The following OSBPL8 variants were observed in gnomAD, a reference collection of about 807,000 sequenced individuals.
OSBPL8 encodes oxysterol binding protein like 8.
OSBPL8 carries 59 observed loss-of-function variants against 125.5 expected under a neutral mutation model. That is an observed-to-expected ratio of 0.47 (90% confidence interval 0.38 to 0.58). OSBPL8 has a LOEUF of 0.58. OSBPL8 is among the 20% of genes least tolerant of loss of function. The pLI is 0.00. For missense variants in OSBPL8, 758 were observed against 1,047.8 expected (o/e 0.72, Z 3.82); for synonymous variants, 330 against 338.9 (o/e 0.97, Z 0.29).
At chr12:76,422,040 A>AT (rs1331015857) in intron 4 of OSBPL8, among the ~76,000 whole-genome samples, 1 of 152,112 alleles carries the variant, frequency 6.6e-6, no homozygotes, top group African/African-American at 2.4e-5. Flanking sequence ...AGAATTTAAG[A>AT]TAAAAAGATT....
intron 4 of OSBPL8, among the ~76,000 whole-genome samples, chr12:76,450,327 C>G (rs925179615): frequency 6.6e-6 from 1 of 151,998 alleles, no homozygotes; most frequent in African/African-American, 2.4e-5. Context: ...GAAAATAGTT[C>G]GAAGGTTGAG....
At chr12:76,455,328 T>C (rs1174267017) in intron 3 of OSBPL8, among the ~76,000 whole-genome samples, 1 of 152,186 alleles carries the variant, frequency 6.6e-6, no homozygotes, top group Non-Finnish European at 1.5e-5. Flanking sequence ...GGGCTCATTG[T>C]ATAATTATGC....
chr12:76,456,341 C>T (rs1188043177), intron 3 of OSBPL8, among the ~76,000 whole-genome samples: 2 of 152,044 alleles, frequency 1.3e-5, no homozygotes, highest in African/African-American at 4.8e-5. Context: ...GAAATTACAG[C>T]TGACGTTTAA....
chr12:76,505,247 G>A (rs564933171), intron 1 of OSBPL8, among the ~76,000 whole-genome samples: 1 of 152,270 alleles, frequency 6.6e-6, no homozygotes, highest in South Asian at 2.1e-4. Flanking sequence ...TGACAGACAT[G>A]AGGCTTTACA....
intron 1 of OSBPL8, among the ~76,000 whole-genome samples, chr12:76,530,801 A>G (rs907414053): frequency 6.6e-6 from 1 of 152,194 alleles, no homozygotes; most frequent in Non-Finnish European, 1.5e-5. Flanking sequence ...GACTCTTTAT[A>G]GTATAATAAA....
intron 1 of OSBPL8, among the ~76,000 whole-genome samples, 161 bp from the exon 2 acceptor site, chr12:76,487,779 G>A (rs1664198614): frequency 6.6e-6 from 1 of 151,954 alleles, no homozygotes. Flanking sequence ...AATGGTAAAG[G>A]TTCAGAGAAA....
rs530928012 is a variant in OSBPL8 at position 76,470,026 on chromosome 12, C to CTTT, written c.43-10132_43-10131insAAA. The stretch of plus-strand genomic sequence containing the variant: ...CTTTTCCTTAAATAGTTCTGTCCTG[C>CTTT]ATAAAATAACATTGTTACAGATTCA... On this transcript the variant is annotated intron_variant, in intron 2 of 23. Coordinates refer to ENST00000261183, the MANE Select transcript of OSBPL8 (RefSeq NM_020841.5). Among the ~76,000 whole-genome samples, 43 of 152,332 alleles carry CTTT rather than the reference C, an allele frequency of 2.8e-4. No homozygotes were observed. In the East Asian group the frequency reaches 8.3e-3, roughly 29 times the overall value.
chr12:76,400,678 A>C (rs1441587530), intron 6 of OSBPL8, among the ~76,000 whole-genome samples: 4 of 152,008 alleles, frequency 2.6e-5, no homozygotes, highest in Non-Finnish European at 2.9e-5. Flanking sequence ...GAATCTTACA[A>C]TAAAAATACT....
At chr12:76,417,873 T>C (rs1259411865) in intron 4 of OSBPL8, among the ~76,000 whole-genome samples, 1 of 152,158 alleles carries the variant, frequency 6.6e-6, no homozygotes, top group Non-Finnish European at 1.5e-5. Context: ...TACTTCTCAT[T>C]CATGTCATAT....
At chr12:76,383,524 C>CTA (rs1396044726) in intron 15 of OSBPL8, among the ~76,000 whole-genome samples, 6 of 152,084 alleles carry the variant, frequency 3.9e-5, no homozygotes, top group Non-Finnish European at 8.8e-5. Flanking sequence ...GCAGACTGAA[C>CTA]TATGGCTCAC....
At position 76,367,536 on chromosome 12, in the gene OSBPL8, G is replaced by A. The variant is rs992874679; in HGVS notation, c.2328+1678C>T. On this transcript the variant is annotated intron_variant, in intron 21 of 23. Coordinates refer to ENST00000261183, the MANE Select transcript of OSBPL8 (RefSeq NM_020841.5). ...AATTTTTACAATCTGTCTTTTGCTC[G>A]GAGAGTTTAATCTATTTACATTTTA... Among the ~76,000 whole-genome samples, 10 of 151,946 alleles carry A rather than the reference G, an allele frequency of 6.6e-5. No individual in the cohort carries two copies. The East Asian group carries it at 9.6e-4, about 15-fold the overall frequency.
At chr12:76,449,079 A>T (rs999493802) in intron 4 of OSBPL8, among the ~76,000 whole-genome samples, 1 of 152,212 alleles carries the variant, frequency 6.6e-6, no homozygotes, top group African/African-American at 2.4e-5. Context: ...ACTCATTTGA[A>T]AAGTTACTAA....
At chr12:76,542,893 C>T (rs1950684971) in intron 1 of OSBPL8, among the ~76,000 whole-genome samples, 2 of 152,200 alleles carry the variant, frequency 1.3e-5, no homozygotes, top group African/African-American at 2.4e-5. Context: ...TCACAGTGAA[C>T]TCTTTCAGTT....
intron 4 of OSBPL8, among the ~76,000 whole-genome samples, chr12:76,436,939 T>A (rs1871530351): frequency 6.6e-6 from 1 of 152,212 alleles, no homozygotes. Context: ...GTTTTTAAAC[T>A]TTACATAAAT....
Position 76,355,632 on chromosome 12 carries a change from C to A in OSBPL8, c.*257G>T. 2.9e-6 allele frequency: 1 copy of A among 347,838 alleles called. No homozygotes were observed. The highest frequency in any genetic ancestry group is 5.2e-6 in the Non-Finnish European group (1 of 191,774). The allele number at this position is 347,838 out of a possible 1,614,324, so 21.5% of individuals were successfully genotyped here. On this transcript the variant is annotated 3_prime_UTR_variant, in exon 24 of 24. Transcript: ENST00000261183. ...TGTGTATACATGTGGGTTTATTATA[C>A]TCATATGTAGACACATTCTCACAAA...
intron 2 of OSBPL8, among the ~76,000 whole-genome samples, chr12:76,476,028 G>A (rs1393133360): frequency 6.6e-6 from 1 of 152,108 alleles, no homozygotes; most frequent in African/African-American, 2.4e-5. Context: ...TTACAACTGA[G>A]GAGACAGTTT....
chr12:76,448,907 G>C (rs951410724), intron 4 of OSBPL8, among the ~76,000 whole-genome samples: 1 of 152,270 alleles, frequency 6.6e-6, no homozygotes. Context: ...CAGCTACTCA[G>C]GAGGCTGAGG....
At chr12:76,552,363 T>C (rs555441032) in intron 1 of OSBPL8, among the ~76,000 whole-genome samples, 2 of 138,380 alleles carry the variant, frequency 1.4e-5, no homozygotes, top group African/African-American at 2.8e-5. Flanking sequence ...GAGGCGAAGG[T>C]TGCAGTGAGC....
chr12:76,465,262 T>C (rs576717596), intron 2 of OSBPL8, among the ~76,000 whole-genome samples: 1 of 152,234 alleles, frequency 6.6e-6, no homozygotes, highest in African/African-American at 2.4e-5. Context: ...ATACAAAATG[T>C]TCAAAAAGCT....
Sources: allele counts gnomAD v4.1 joint callset (sites outside exome capture counted in the v4.1 genomes callset), GRCh38; gene constraint gnomAD v4.1.1; transcripts MANE v1.5; gene names NCBI Gene and HGNC (gene_info 2026-07-23, HGNC 2026-07-21).